NCK2: variants seen among roughly 807,000 people sequenced by gnomAD.
The protein encoded by NCK2 is cytoplasmic protein NCK2.
NCK2 carries 16 observed loss-of-function variants against 33.9 expected under a neutral mutation model. The observed-to-expected ratio is 0.47, with a 90% CI of 0.32 to 0.72. NCK2 has a LOEUF of 0.72. NCK2 is among the 30% of genes least tolerant of loss of function. The pLI is 0.03. For synonymous variants in NCK2, 273 were observed against 239.9 expected (o/e 1.14, Z -1.27); for missense variants, 418 against 537.3 (o/e 0.78, Z 2.19).
intron 1 of NCK2, among the ~76,000 whole-genome samples, chr2:105,769,048 C>CA (rs1690040355): frequency 6.6e-6 from 1 of 152,104 alleles, no homozygotes; most frequent in South Asian, 2.1e-4. Context: ...TGGCAATGAC[C>CA]AGCTCCCCTC....
chr2:105,744,638 G>A (rs958258911), upstream of NCK2, among the ~76,000 whole-genome samples: 14 of 151,874 alleles, frequency 9.2e-5, no homozygotes, highest in African/African-American at 3.1e-4. Flanking sequence ...CCCGTGCTGC[G>A]CCTCCAGAGC....
chr2:105,818,508 AATAT>A (rs984348882), intron 2 of NCK2, among the ~76,000 whole-genome samples: 1 of 152,062 alleles, frequency 6.6e-6, no homozygotes, highest in Non-Finnish European at 1.5e-5. Context: ...GCTTATAAGA[AATAT>A]ATATTTCCAA....
chr2:105,759,276 C>G (rs1339895571), intron 1 of NCK2, among the ~76,000 whole-genome samples: 2 of 152,178 alleles, frequency 1.3e-5, no homozygotes, highest in African/African-American at 4.8e-5. Context: ...TTCAAGTACA[C>G]ATAGTACGTT....
At chr2:105,769,416 C>T (rs534922175) in intron 1 of NCK2, among the ~76,000 whole-genome samples, 1 of 152,128 alleles carries the variant, frequency 6.6e-6, no homozygotes, top group African/African-American at 2.4e-5. Flanking sequence ...GTAACTCCCC[C>T]GTTCTTGCTT....
chr2:105,834,112 G>A (rs565281593), intron 2 of NCK2, among the ~76,000 whole-genome samples: 1 of 152,296 alleles, frequency 6.6e-6, no homozygotes, highest in South Asian at 2.1e-4. Context: ...TGTATATTCT[G>A]TAGCTGTTAG....
chr2:105,826,174 C>T (rs934966108), intron 2 of NCK2, among the ~76,000 whole-genome samples: 3 of 152,152 alleles, frequency 2.0e-5, no homozygotes, highest in African/African-American at 7.2e-5. Flanking sequence ...GAAGGGGAAG[C>T]AAGGCACCTT....
At chr2:105,770,143 GAAA>G (rs1168851903) in intron 1 of NCK2, among the ~76,000 whole-genome samples, 1 of 139,788 alleles carries the variant, frequency 7.2e-6, no homozygotes, top group Non-Finnish European at 1.6e-5. Flanking sequence ...AAAAAAAAAA[GAAA>G]AAGGTATATT....
chr2:105,793,663 G>A (rs1231566136), intron 1 of NCK2, among the ~76,000 whole-genome samples: 11 of 152,264 alleles, frequency 7.2e-5, no homozygotes, highest in Admixed American at 7.2e-4. Context: ...TACTTTGTGT[G>A]TATTTTTACC....
chr2:105,877,203 T>C (rs889711933), intron 3 of NCK2, among the ~76,000 whole-genome samples: 6 of 152,170 alleles, frequency 3.9e-5, no homozygotes, highest in Non-Finnish European at 7.4e-5. Context: ...CTCCTACCAC[T>C]GAGACACCTT....
chr2:105,750,069 A>ACACACACACACACAC (rs1558820044), intron 1 of NCK2, among the ~76,000 whole-genome samples: 1 of 56,648 alleles, frequency 1.8e-5, no homozygotes, highest in Non-Finnish European at 4.4e-5. Context: ...CACACACACA[A>ACACACACACACACAC]AACAACAACA....
At chr2:105,836,614 T>A (rs1364634344) in intron 2 of NCK2, among the ~76,000 whole-genome samples, 1 of 152,150 alleles carries the variant, frequency 6.6e-6, no homozygotes, top group Non-Finnish European at 1.5e-5. Context: ...CTCCCTTTGT[T>A]CTAGGGGAAG....
chr2:105,812,455 A>G (rs1675323217), intron 1 of NCK2, among the ~76,000 whole-genome samples: 1 of 152,196 alleles, frequency 6.6e-6, no homozygotes, highest in Non-Finnish European at 1.5e-5. Context: ...AATGAAATAT[A>G]GCTAGCTCTG....
intron 1 of NCK2, among the ~76,000 whole-genome samples, chr2:105,781,253 A>T (rs927240789): frequency 1.3e-5 from 2 of 152,234 alleles, no homozygotes; most frequent in Non-Finnish European, 2.9e-5. Context: ...TTTTATGAAC[A>T]TGATTACTCT....
chr2:105,890,478 AC>A (rs1270588541), intron 4 of NCK2, among the ~76,000 whole-genome samples: 2 of 152,234 alleles, frequency 1.3e-5, no homozygotes, highest in Non-Finnish European at 2.9e-5. Context: ...AACTTCTAGT[AC>A]AGAATATTAA....
chr2:105,805,312 G>A (rs926426443), intron 1 of NCK2, among the ~76,000 whole-genome samples: 3 of 152,248 alleles, frequency 2.0e-5, no homozygotes, highest in Non-Finnish European at 2.9e-5. Flanking sequence ...AGGGTCCAGC[G>A]TTTGAGGAGA....
At chr2:105,883,498 A>G (rs990796468) in intron 4 of NCK2, among the ~76,000 whole-genome samples, 2 of 152,272 alleles carry the variant, frequency 1.3e-5, no homozygotes, top group African/African-American at 4.8e-5. Context: ...GTGTGGAGAC[A>G]TTGGTCCCAG....
chr2:105,850,728 C>T (rs1384476843), intron 2 of NCK2, among the ~76,000 whole-genome samples: 2 of 152,134 alleles, frequency 1.3e-5, no homozygotes, highest in African/African-American at 4.8e-5. Flanking sequence ...ATCAGAATAC[C>T]ATCTCTGACT....
intron 1 of NCK2, among the ~76,000 whole-genome samples, chr2:105,781,985 G>A (rs951013086): frequency 1.3e-5 from 2 of 152,182 alleles, no homozygotes; most frequent in Non-Finnish European, 2.9e-5. Flanking sequence ...GAATGTCCAA[G>A]TGAGTCCAAA....
intron 3 of NCK2, among the ~76,000 whole-genome samples, chr2:105,866,761 CT>C (rs1677780726): frequency 6.6e-6 from 1 of 152,168 alleles, no homozygotes; most frequent in African/African-American, 2.4e-5. Context: ...TTGGGGACCC[CT>C]GGTCTAGAGA....
Sources: gnomAD v4.1 joint callset for allele counts (sites outside exome capture counted in the v4.1 genomes callset) on GRCh38, gnomAD v4.1.1 for gene constraint, MANE v1.5 for transcripts, NCBI Gene and HGNC (gene_info 2026-07-23, HGNC 2026-07-21) for gene names.